Variants in PRKAR1A observed in about 807,000 individuals in gnomAD.
PRKAR1A encodes cAMP-dependent protein kinase type I-alpha regulatory subunit.
In PRKAR1A, 3 loss-of-function variants were observed where a neutral mutation model predicts 52.0. That is an observed-to-expected ratio of 0.06 (90% CI 0.03 to 0.15). The LOEUF (loss-of-function observed/expected upper bound fraction) is 0.15, where lower values mean the gene tolerates loss of function less well. Among genes scored for constraint, PRKAR1A ranks in the 10% least tolerant of loss-of-function variants. The pLI, the probability that PRKAR1A is intolerant of heterozygous loss-of-function variation, is 1.00. For synonymous variants in PRKAR1A, 188 were observed against 168.4 expected, an observed-to-expected ratio of 1.12 and a Z score of -0.90; for missense variants, 240 against 477.4, an observed-to-expected ratio of 0.50 and a Z score of 4.63.
intron 11 of PRKAR1A, among the ~76,000 whole-genome samples, chr17:68,543,061 C>A (rs894448971): frequency 1.3e-5 from 2 of 152,176 alleles, no homozygotes; most frequent in African/African-American, 2.4e-5. Flanking sequence ...AACCTTCCCA[C>A]CATCCCAACT....
At chr17:68,510,287 T>C (rs962557930), upstream of PRKAR1A, among the ~76,000 whole-genome samples, 1 of 152,154 alleles carries the variant, frequency 6.6e-6, no homozygotes, top group African/African-American at 2.4e-5. Context: ...ACTTAACTTC[T>C]CCATGTCTCA....
intron 2 of PRKAR1A, among the ~76,000 whole-genome samples, chr17:68,519,352 G>A (rs2085531636): frequency 6.6e-6 from 1 of 152,192 alleles, no homozygotes; most frequent in Admixed American, 6.5e-5. Flanking sequence ...GGCAGAAGGG[G>A]AAGCAAACAC....
chr17:68,433,645 C>T, the PRKAR1A span: 1 of 1,285,628 alleles, frequency 7.8e-7, no homozygotes. Flanking sequence ...ACTCAGAGAT[C>T]AGCTTTATAA....
At chr17:68,508,824 C>A (rs1405606182), upstream of PRKAR1A, among the ~76,000 whole-genome samples, 1 of 151,962 alleles carries the variant, frequency 6.6e-6, no homozygotes, top group East Asian at 1.9e-4. Context: ...AGATAAACAC[C>A]CCTCCTTAGT....
the PRKAR1A span, among the ~76,000 whole-genome samples, chr17:68,414,659 CTT>C: frequency 1.3e-5 from 2 of 150,552 alleles, no homozygotes; most frequent in Non-Finnish European, 2.9e-5. Flanking sequence ...TGGTCCTAGA[CTT>C]TTGTTGTTGT....
At chr17:68,457,869 C>T in the PRKAR1A span, among the ~76,000 whole-genome samples, 2 of 152,148 alleles carry the variant, frequency 1.3e-5, no homozygotes, top group Non-Finnish European at 2.9e-5. Flanking sequence ...TTTTCATTGC[C>T]GGAGCCGCCC....
At chr17:68,426,247 A>T in the PRKAR1A span, 496 of 667,914 alleles carry the variant, frequency 7.4e-4, 2 homozygotes, top group East Asian at 1.3e-3. Context: ...GCGGGTGGGG[A>T]GCGGGGGCTC....
downstream of PRKAR1A, chr17:68,535,026 G>T: frequency 3.1e-6 from 1 of 322,648 alleles, no homozygotes; most frequent in South Asian, 2.6e-5. Flanking sequence ...CTTTTGAGAA[G>T]GCTAAAACGA....
the PRKAR1A span, chr17:68,424,412 C>T: frequency 3.2e-5 from 17 of 533,416 alleles, no homozygotes; most frequent in African/African-American, 9.6e-5. Context: ...CACGGATCTG[C>T]GGGAGAAAGA....
At chr17:68,499,517 G>A in the PRKAR1A span, among the ~76,000 whole-genome samples, 3 of 152,354 alleles carry the variant, frequency 2.0e-5, no homozygotes, top group Admixed American at 6.5e-5. Flanking sequence ...GCAGGGCTGG[G>A]ACAGCAAGCC....
downstream of PRKAR1A, chr17:68,537,586 A>T: frequency 3.1e-6 from 5 of 1,613,600 alleles, no homozygotes; most frequent in Non-Finnish European, 4.2e-6. This position sits in a 1 kb window ranked among gnomAD's most constrained non-coding sequence, Gnocchi z 4.2. Flanking sequence ...CACTGTCCTT[A>T]GGATGGTTTG....
At chr17:68,446,189 T>TC in the PRKAR1A span, among the ~76,000 whole-genome samples, 1 of 152,060 alleles carries the variant, frequency 6.6e-6, no homozygotes, top group Non-Finnish European at 1.5e-5. Context: ...TTTCTCAATT[T>TC]TTTTTTTTTC....
Position 68,524,039 on chromosome 17 carries a change from C to T in PRKAR1A, c.464C>T (p.Ser155Leu), listed in dbSNP as rs1568696484. The T allele has an allele frequency of 5.6e-6, 9 of 1,614,046 alleles. No homozygotes were observed. The highest frequency in any genetic ancestry group is 6.8e-6 in the Non-Finnish European group (8 of 1,180,014). ...ERSDIFDAMF[S>L]VSFIAGETVI... is the part of the protein sequence containing the mutation. ...AGTGATATTTTTGATGCCATGTTTT[C>T]GGTCTCCTTTATCGCAGGAGAGACT... is the stretch of plus-strand genomic sequence containing the variant. The change falls in exon 5 of 11, where the codon TCG becomes TTG. Residue 155 changes from serine (S) to leucine (L), a missense_variant. Transcript: ENST00000589228.
At chr17:68,458,912 T>C in the PRKAR1A span, among the ~76,000 whole-genome samples, 1 of 152,186 alleles carries the variant, frequency 6.6e-6, no homozygotes, top group African/African-American at 2.4e-5. Flanking sequence ...TAATACCCAG[T>C]TTATGACAAA....
chr17:68,439,002 G>A, the PRKAR1A span, among the ~76,000 whole-genome samples: 11 of 152,336 alleles, frequency 7.2e-5, no homozygotes, highest in African/African-American at 2.2e-4. Flanking sequence ...ATGTTGGTGA[G>A]GATATGGAGA....
the PRKAR1A span, among the ~76,000 whole-genome samples, chr17:68,447,169 C>T: frequency 2.0e-5 from 3 of 152,280 alleles, no homozygotes; most frequent in African/African-American, 7.2e-5. Flanking sequence ...CAGATTTGGC[C>T]TCAGAGGCTT....
downstream of PRKAR1A, chr17:68,536,181 G>A (rs1448278496): frequency 4.4e-6 from 2 of 454,130 alleles, no homozygotes; most frequent in African/African-American, 4.0e-5. Flanking sequence ...ACTGCAGAAA[G>A]CTTGGAGACA....
the PRKAR1A span, among the ~76,000 whole-genome samples, chr17:68,434,972 C>T: frequency 3.9e-5 from 6 of 152,146 alleles, no homozygotes; most frequent in South Asian, 1.0e-3. Flanking sequence ...GAGGCCAAGG[C>T]GGGTGGATTG....
the PRKAR1A span, among the ~76,000 whole-genome samples, chr17:68,437,948 TA>T: frequency 0.16 from 12,115 of 77,434 alleles, 816 homozygotes; most frequent in East Asian, 0.28. Flanking sequence ...ACATCTCTCT[TA>T]AAAAAAAAAA....
Sources: gnomAD v4.1 joint callset for allele counts (sites outside exome capture counted in the v4.1 genomes callset) on GRCh38, gnomAD v4.1.1 for gene constraint, Gnocchi (gnomAD v3.1) non-coding constraint, MANE v1.5 for transcripts, NCBI Gene and HGNC (gene_info 2026-07-23, HGNC 2026-07-21) for gene names.